MDGA2: variants seen among roughly 807,000 people sequenced by gnomAD.
MDGA2 encodes the protein MAM domain containing glycosylphosphatidylinositol anchor 2, also known as MAM domain-containing glycosylphosphatidylinositol anchor protein 2.
A neutral mutation model predicts 117.8 loss-of-function variants in MDGA2; 40 were observed. That is an observed-to-expected ratio of 0.34 (90% CI 0.26 to 0.44). The LOEUF (loss-of-function observed/expected upper bound fraction) is 0.44, where lower values mean the gene tolerates loss of function less well. MDGA2 is among the 20% of genes least tolerant of loss of function. The probability of loss-of-function intolerance (pLI) is 1.00; values close to 1 mark genes in which losing one functional copy is unlikely to be tolerated. For missense variants in MDGA2, 1,123 were observed against 1,250.6 expected, an observed-to-expected ratio of 0.90 and a Z score of 1.54; for synonymous variants, 452 against 439.0, an observed-to-expected ratio of 1.03 and a Z score of -0.37.
At chr14:47,509,263 T>C (rs969649726) in intron 1 of MDGA2, among the ~76,000 whole-genome samples, 2 of 152,192 alleles carry the variant, frequency 1.3e-5, no homozygotes, top group Non-Finnish European at 2.9e-5. Context: ...TGGGATAGTA[T>C]TGTGCGTGAG....
At chr14:47,400,738 TTTTTCTTTTC>T (rs1257751183) in intron 1 of MDGA2, among the ~76,000 whole-genome samples, 12 of 130,284 alleles carry the variant, frequency 9.2e-5, no homozygotes, top group African/African-American at 2.8e-4. Context: ...TTTTTTTTTC[TTTTTCTTTTC>T]TTTTCTTTTC....
rs80052311 is a variant in MDGA2, at chr14:46,857,166, A to C, written c.2753-2012T>G. On this transcript the variant is annotated intron_variant, in intron 14 of 16. Coordinates refer to ENST00000399232, the MANE Select transcript of MDGA2 (RefSeq NM_001113498.3). ...TATGAATATATTTTCTATAAATTATAAGAAGAAAGGAAATATGGCGTTTCA... is the reference window on the plus strand; with the variant it reads ...TATGAATATATTTTCTATAAATTATCAGAAGAAAGGAAATATGGCGTTTCA... Among the ~76,000 whole-genome samples, 262 of 152,350 alleles carry C rather than the reference A, an allele frequency of 1.7e-3. 8 individuals carry two copies. In the East Asian group the frequency reaches 0.043, roughly 25 times the overall value.
intron 1 of MDGA2, among the ~76,000 whole-genome samples, chr14:47,640,497 A>G (rs572503421): frequency 1.2e-4 from 18 of 152,248 alleles, no homozygotes; most frequent in Admixed American, 3.3e-4. Context: ...ATCATGTCAT[A>G]TTCCTTTCTA....
chr14:47,635,850 G>A (rs1307783512), intron 1 of MDGA2, among the ~76,000 whole-genome samples: 1 of 152,144 alleles, frequency 6.6e-6, no homozygotes, highest in Non-Finnish European at 1.5e-5. Flanking sequence ...AATACAAGCA[G>A]TGTGTGAATA....
chr14:47,605,090 T>TTC (rs1594939954), intron 1 of MDGA2, among the ~76,000 whole-genome samples: 1 of 151,628 alleles, frequency 6.6e-6, no homozygotes, highest in African/African-American at 2.4e-5. Context: ...TCCTCTCTCT[T>TTC]TTCCCCCATA....
At chr14:47,035,503 G>A (rs1225016904) in intron 7 of MDGA2, among the ~76,000 whole-genome samples, 199 bp from the exon 8 acceptor site, 1 of 152,028 alleles carries the variant, frequency 6.6e-6, no homozygotes, top group African/African-American at 2.4e-5. Context: ...TTTAAAATGA[G>A]GACTTCAAAC....
intron 1 of MDGA2, among the ~76,000 whole-genome samples, chr14:47,362,490 A>G (rs1007510535): frequency 6.6e-6 from 1 of 152,096 alleles, no homozygotes; most frequent in African/African-American, 2.4e-5. Flanking sequence ...GATATTTTTA[A>G]TGTGCTTAAT....
intron 1 of MDGA2, among the ~76,000 whole-genome samples, chr14:47,452,406 C>T (rs1893260451): frequency 6.6e-6 from 1 of 152,022 alleles, no homozygotes; most frequent in Non-Finnish European, 1.5e-5. Context: ...CCTATGAAAA[C>T]TTTAAGACAT....
intron 1 of MDGA2, among the ~76,000 whole-genome samples, chr14:47,465,126 T>C (rs1277760625): frequency 6.6e-6 from 1 of 151,992 alleles, no homozygotes; most frequent in Non-Finnish European, 1.5e-5. Context: ...TAAATGGTGC[T>C]GGGATAACTG....
chr14:47,178,862 C>T (rs1464907688), intron 3 of MDGA2, among the ~76,000 whole-genome samples: 3 of 151,944 alleles, frequency 2.0e-5, no homozygotes, highest in Non-Finnish European at 2.9e-5. Context: ...AGCACTGTTC[C>T]AGGTAGAGGG....
chr14:47,398,239 G>T (rs778129482), intron 1 of MDGA2, among the ~76,000 whole-genome samples: 23 of 152,184 alleles, frequency 1.5e-4, no homozygotes, highest in Admixed American at 4.6e-4. Flanking sequence ...GTATGCCCAG[G>T]TTACTTATAA....
chr14:47,600,723 T>TAAAAAAAA (rs377627666), intron 1 of MDGA2, among the ~76,000 whole-genome samples: 8 of 140,090 alleles, frequency 5.7e-5, no homozygotes, highest in African/African-American at 2.2e-4. Context: ...ATCGGATCAT[T>TAAAAAAAA]AAAAAAAAAA....
rs569371688 is a variant in MDGA2 at position 46,877,289 on chromosome 14, T to C, written c.2437+200A>G. Among the ~76,000 whole-genome samples the C allele has an allele frequency of 6.9e-4, 105 of 151,728 alleles. 1 individual carries two copies. The highest frequency in any genetic ancestry group is 2.4e-3 in the African/African-American group (101 of 41,516). ...ATTTAGGAAAATCTATAAACCTCAA[T>C]TATCAGTATTAAAAAATTGTATTTA... On this transcript the variant is annotated intron_variant, in intron 12 of 16. Coordinates refer to ENST00000399232, the MANE Select transcript of MDGA2 (RefSeq NM_001113498.3).
In MDGA2 at chr14:47,002,089, G is replaced by C. The variant is rs201910202; in HGVS notation, c.1819+32922C>G. ...GAGAGGTGCTGAGTAAACAGGACTG[G>C]TGGGCACTAAATTAATGTAATGCAA... On this transcript the variant is annotated intron_variant, in intron 8 of 16. Coordinates refer to ENST00000399232, the MANE Select transcript of MDGA2 (RefSeq NM_001113498.3). Among the ~76,000 whole-genome samples the C allele has an allele frequency of 1.2e-4, 18 of 152,134 alleles. No individual in the cohort carries two copies. The East Asian group carries it at 3.5e-3, about 29-fold the overall frequency.
In MDGA2 at chr14:47,472,457, T is replaced by C. The variant is rs561264272; in HGVS notation, c.281-170907A>G. ...ACAATGGCATTAGTGTATCTGAACA[T>C]ATCTAAACAAAGAAAAGGTATACTA... On this transcript the variant is annotated intron_variant, in intron 1 of 16. Coordinates refer to ENST00000399232, the MANE Select transcript of MDGA2 (RefSeq NM_001113498.3). Among the ~76,000 whole-genome samples, 31 of 152,298 alleles carry C rather than the reference T, an allele frequency of 2.0e-4. 1 individual carries two copies. The South Asian group carries it at 6.2e-3, about 31-fold the overall frequency.
chr14:47,463,560 A>G (rs1359647939), intron 1 of MDGA2, among the ~76,000 whole-genome samples: 2 of 152,188 alleles, frequency 1.3e-5, no homozygotes, highest in Non-Finnish European at 2.9e-5. Flanking sequence ...GATAAGCTCT[A>G]CCTTCACATA....
chr14:47,083,841 T>A (rs1190260337), intron 6 of MDGA2, among the ~76,000 whole-genome samples: 1 of 151,856 alleles, frequency 6.6e-6, no homozygotes, highest in East Asian at 1.9e-4. Context: ...ACATATACAA[T>A]GACAAAAGGT....
intron 3 of MDGA2, chr14:47,201,145 T>G (rs1370079099): frequency 4.2e-6 from 3 of 708,300 alleles, no homozygotes; most frequent in Non-Finnish European, 7.9e-6. Context: ...CTATTTTTAT[T>G]GCATTAGCTG....
chr14:47,012,611 C>T (rs534149129), intron 8 of MDGA2, among the ~76,000 whole-genome samples: 2 of 152,208 alleles, frequency 1.3e-5, no homozygotes, highest in Non-Finnish European at 2.9e-5. Context: ...AAAGCACTTA[C>T]TATAGTGTTT....
Sources: gnomAD v4.1 joint callset for allele counts (sites outside exome capture counted in the v4.1 genomes callset) on GRCh38, gnomAD v4.1.1 for gene constraint, MANE v1.5 for transcripts, NCBI Gene and HGNC (gene_info 2026-07-23, HGNC 2026-07-21) for gene names.